PRIM2: variants seen among roughly 807,000 people sequenced by gnomAD.
PRIM2 encodes DNA primase subunit 2, also known as DNA primase large subunit.
Under a neutral mutation model 67.3 loss-of-function variants are expected in PRIM2, and 39 were observed. The ratio of observed to expected loss-of-function variants is 0.58; its 90% CI spans 0.45 to 0.76. The LOEUF (loss-of-function observed/expected upper bound fraction) is 0.76. Among genes scored for constraint, PRIM2 ranks in the 30% least tolerant of loss-of-function variants. The pLI is 0.00. For synonymous variants in PRIM2, 143 were observed against 198.7 expected (o/e 0.72, Z 2.36); for missense variants, 398 against 598.7 (o/e 0.66, Z 3.50).
chr6:57,320,530 T>A lies in PRIM2; in HGVS notation c.228T>A (p.Ser76Arg). The A allele has an allele frequency of 2.5e-6, 4 of 1,608,782 alleles. No homozygotes were observed. The highest frequency in any genetic ancestry group is 3.4e-6 in the Non-Finnish European group (4 of 1,178,556). ...AACAATACCAGAGTAAGTTGGAGAG[T>A]GAGCTTCGGAAGCTCAAGTTTTCCT... is the stretch of plus-strand genomic sequence containing the variant. ...GTEQYQSKLE[S>R]ELRKLKFSYR... is the part of the protein sequence containing the mutation. Residue 76 changes from serine to arginine, a missense_variant, in exon 3 of 14, where the codon AGT becomes AGA. Ser to Arg is a moderately radical substitution (Grantham distance 110). This residue lies in a region of PRIM2 where 96 missense variants were observed against 98.3 expected (regional missense o/e 0.98). Coordinates refer to ENST00000615550, the MANE Select transcript of PRIM2 (RefSeq NM_000947.5).
intron 11 of PRIM2, among the ~76,000 whole-genome samples, chr6:57,603,295 C>T (rs1776503433): frequency 6.6e-6 from 1 of 152,190 alleles, no homozygotes; most frequent in Non-Finnish European, 1.5e-5. Context: ...GGATTTTCCC[C>T]AGTCATGTCC....
intron 10 of PRIM2, among the ~76,000 whole-genome samples, chr6:57,588,807 T>C (rs1293727987): frequency 1.6e-4 from 24 of 152,224 alleles, no homozygotes; most frequent in Non-Finnish European, 2.6e-4. Context: ...CTGTAATGTG[T>C]CTTGGAGGTC....
At chr6:57,616,363 C>T (rs1776757838) in intron 12 of PRIM2, among the ~76,000 whole-genome samples, 2 of 152,102 alleles carry the variant, frequency 1.3e-5, no homozygotes, top group Non-Finnish European at 2.9e-5. Flanking sequence ...ATGATAAGGC[C>T]AGAATTCACA....
At chr6:57,521,980 C>G (rs1774634861) in intron 8 of PRIM2, among the ~76,000 whole-genome samples, 1 of 151,054 alleles carries the variant, frequency 6.6e-6, no homozygotes, top group African/African-American at 2.4e-5. Context: ...GAAGAATGGA[C>G]AGTTGCAATT....
At chr6:57,362,134 C>T (rs1769221094) in intron 5 of PRIM2, among the ~76,000 whole-genome samples, 1 of 152,142 alleles carries the variant, frequency 6.6e-6, no homozygotes, top group Non-Finnish European at 1.5e-5. Context: ...ATAGAGCTGA[C>T]TTCTAATATT....
At chr6:57,246,961 T>C in the PRIM2 span, among the ~76,000 whole-genome samples, 1 of 151,982 alleles carries the variant, frequency 6.6e-6, no homozygotes, top group Non-Finnish European at 1.5e-5. Context: ...TTCACGCTAT[T>C]CTCCTGCCTC....
At chr6:57,549,785 A>G (rs1191975670) in intron 10 of PRIM2, among the ~76,000 whole-genome samples, 1 of 152,106 alleles carries the variant, frequency 6.6e-6, no homozygotes, top group African/African-American at 2.4e-5. Context: ...TAGGAAAGTA[A>G]TTTGAATGTA....
intron 7 of PRIM2, among the ~76,000 whole-genome samples, chr6:57,410,319 G>T (rs1448823789): frequency 2.7e-5 from 3 of 111,714 alleles, no homozygotes; most frequent in African/African-American, 1.1e-4. Context: ...GTGACAGAGT[G>T]AAACGCCATC....
intron 7 of PRIM2, among the ~76,000 whole-genome samples, chr6:57,388,269 A>G (rs1420062303): frequency 1.3e-5 from 2 of 152,194 alleles, no homozygotes; most frequent in Admixed American, 1.3e-4. Context: ...CTTGAAAGCC[A>G]TTTTGGAGGA....
intron 10 of PRIM2, among the ~76,000 whole-genome samples, chr6:57,591,423 GTTAGTAC>G (rs1270248746): frequency 2.6e-5 from 4 of 152,284 alleles, no homozygotes; most frequent in African/African-American, 7.2e-5. Flanking sequence ...TTGAGTTTCT[GTTAGTAC>G]TTATGATAAC....
chr6:57,611,637 A>G (rs1776668069), intron 12 of PRIM2, among the ~76,000 whole-genome samples: 1 of 152,204 alleles, frequency 6.6e-6, no homozygotes, highest in South Asian at 2.1e-4. Flanking sequence ...TATAAAAATT[A>G]TTTAAAAATG....
At chr6:57,578,676 G>GTTTTTTT (rs1171202485) in intron 10 of PRIM2, among the ~76,000 whole-genome samples, 1 of 101,320 alleles carries the variant, frequency 9.9e-6, no homozygotes, top group Non-Finnish European at 2.0e-5. Context: ...TTTGTTTTTT[G>GTTTTTTT]TTTTTTTTTT....
intron 10 of PRIM2, among the ~76,000 whole-genome samples, chr6:57,593,251 T>C (rs1776312425): frequency 6.6e-6 from 1 of 151,836 alleles, no homozygotes. Flanking sequence ...ATGAATGGAG[T>C]GGGAGGGAAG....
chr6:57,601,724 G>T (rs1776470936), intron 11 of PRIM2, among the ~76,000 whole-genome samples: 1 of 152,172 alleles, frequency 6.6e-6, no homozygotes, highest in African/African-American at 2.4e-5. Flanking sequence ...CTATCAGTTT[G>T]CCTGAGTTAT....
chr6:57,469,847 T>G (rs1773293896), intron 7 of PRIM2, among the ~76,000 whole-genome samples: 1 of 152,228 alleles, frequency 6.6e-6, no homozygotes. Context: ...CATACTATTC[T>G]AAATATCTAA....
intron 7 of PRIM2, among the ~76,000 whole-genome samples, chr6:57,440,749 G>C (rs1056102765): frequency 1.3e-5 from 2 of 152,168 alleles, no homozygotes; most frequent in Non-Finnish European, 2.9e-5. Context: ...TACAGTAACT[G>C]TCTGTTGACC....
intron 8 of PRIM2, 148 bp from the exon 9 acceptor site, chr6:57,532,263 G>A (rs1453644150): frequency 1.2e-4 from 50 of 405,400 alleles, no homozygotes; most frequent in South Asian, 4.6e-4. Context: ...CATTAAATAC[G>A]TTTAAAACAC....
At chr6:57,318,384 T>TC (rs1355603323) in intron 1 of PRIM2, 53 bp from the exon 2 acceptor site, 7 of 1,486,354 alleles carry the variant, frequency 4.7e-6, no homozygotes, top group African/African-American at 1.4e-5. Flanking sequence ...TTCTTTTTTT[T>TC]CCCCCAACTT....
intron 10 of PRIM2, among the ~76,000 whole-genome samples, chr6:57,548,853 G>A (rs1466568637): frequency 3.3e-5 from 5 of 152,060 alleles, no homozygotes; most frequent in African/African-American, 4.8e-5. Flanking sequence ...AGGATTTGGC[G>A]TATTTAGGGC....
Sources: gnomAD v4.1 joint callset for allele counts (sites outside exome capture counted in the v4.1 genomes callset) on GRCh38, gnomAD v4.1.1 for gene constraint, gnomAD v4.1.1 regional missense constraint, MANE v1.5 for transcripts, NCBI Gene and HGNC (gene_info 2026-07-23, HGNC 2026-07-21) for gene names.